CHRNA1: variants seen among roughly 807,000 people sequenced by gnomAD.
The protein encoded by CHRNA1 is acetylcholine receptor subunit alpha.
CHRNA1 carries 35 observed loss-of-function variants against 47.1 expected under a neutral mutation model. That is an observed-to-expected ratio of 0.74 (90% CI 0.57 to 0.99). The LOEUF (loss-of-function observed/expected upper bound fraction) is 0.99. CHRNA1 is among the 50% of genes least tolerant of loss of function. The pLI, the probability that CHRNA1 is intolerant of heterozygous loss-of-function variation, is 0.00. For missense variants in CHRNA1, 506 were observed against 591.1 expected (o/e 0.86, Z 1.49); for synonymous variants, 229 against 223.6 (o/e 1.02, Z -0.22).
chr2:174,759,633 G>A lies in CHRNA1; in HGVS notation c.44C>T (p.Ala15Val). The A allele has an allele frequency of 4.3e-6, 7 of 1,613,008 alleles. No individual in the cohort carries two copies. Among genetic ancestry groups the A allele is most frequent in the Non-Finnish European group, 5.1e-6 (6 of 1,179,944 alleles). The change falls in exon 2 of 9, where the codon GCT (alanine) becomes GTT (valine). Residue 15 changes from alanine to valine, a missense_variant and splice_region_variant. Ala to Val is a moderately conservative substitution (Grantham distance 64, BLOSUM62 0). Transcript: ENST00000348749. ...PLLLLFSLCS[A>V]GLVLGSEHET... ...ATGTTCGGAGCCCAGGACGAGGCCA[G>A]CTGAGACAGCAGATGACACCAACAC...
intron 6 of CHRNA1, 118 bp from the exon 7 acceptor site, chr2:174,750,287 G>A (rs1293711541): frequency 1.3e-6 from 1 of 771,854 alleles, no homozygotes; most frequent in Non-Finnish European, 2.2e-6. Context: ...ACCTAAGAAT[G>A]TGACTGTATT....
intron 6 of CHRNA1, chr2:174,753,263 A>T (rs1429205570): frequency 7.6e-6 from 5 of 660,942 alleles, no homozygotes; most frequent in East Asian, 5.3e-5. Context: ...CCTAAGCTAC[A>T]CTGTGCATCT....
chr2:174,762,123 A>C (rs540123546), intron 1 of CHRNA1, among the ~76,000 whole-genome samples: 5 of 152,192 alleles, frequency 3.3e-5, no homozygotes, highest in African/African-American at 4.8e-5. Context: ...CCTAGCCAAT[A>C]ACAAGGTGCC....
chr2:174,750,640 C>T (rs1427507743), intron 6 of CHRNA1, among the ~76,000 whole-genome samples: 4 of 152,174 alleles, frequency 2.6e-5, no homozygotes, highest in African/African-American at 4.8e-5. Flanking sequence ...CTGACATGTT[C>T]TCAAAGCATT....
intron 6 of CHRNA1, chr2:174,753,265 T>C (rs1345041713): frequency 1.4e-5 from 9 of 663,182 alleles, no homozygotes; most frequent in Non-Finnish European, 2.2e-5. Context: ...TAAGCTACAC[T>C]GTGCATCTCT....
chr2:174,763,654 G>T (rs1395319246), intron 1 of CHRNA1, among the ~76,000 whole-genome samples: 5 of 152,062 alleles, frequency 3.3e-5, no homozygotes, highest in Admixed American at 2.6e-4. Context: ...TTCAGCTGCT[G>T]TGTTAGGACA....
chr2:174,749,136 A>C (rs767190516), intron 7 of CHRNA1, among the ~76,000 whole-genome samples: 6 of 152,342 alleles, frequency 3.9e-5, no homozygotes, highest in Non-Finnish European at 5.9e-5. Context: ...CAGGTATGGA[A>C]AATGCCTTAG....
At chr2:174,751,443 A>C (rs150276283) in intron 6 of CHRNA1, among the ~76,000 whole-genome samples, 1 of 152,320 alleles carries the variant, frequency 6.6e-6, no homozygotes, top group Non-Finnish European at 1.5e-5. Context: ...ATATATATAG[A>C]ATATGTATGT....
At chr2:174,757,897 ACTCATTTAGTC>A in intron 3 of CHRNA1, 1 of 1,102,752 alleles carries the variant, frequency 9.1e-7, no homozygotes, top group Non-Finnish European at 1.4e-6. Context: ...ACCTATATTA[ACTCATTTAGTC>A]CTCACAACAA....
rs905862822 is a variant in CHRNA1, at chr2:174,748,569, A to T, written c.1242+11T>A. The T allele has an allele frequency of 2.5e-6, 4 of 1,609,280 alleles. No individual in the cohort carries two copies. Among genetic ancestry groups the T allele is most frequent in the Non-Finnish European group, 3.4e-6 (4 of 1,176,302 alleles). Reference sequence around the variant, plus strand: ...AACCCAGAGGCATGAATTTCAAGCCACGAAGCTTACATTGTTAGACTCCTG... The same window carrying T: ...AACCCAGAGGCATGAATTTCAAGCCTCGAAGCTTACATTGTTAGACTCCTG... On this transcript the variant is annotated intron_variant, in intron 8 of 8. Transcript: ENST00000348749.
At chr2:174,760,272 G>A (rs534246312) in intron 1 of CHRNA1, among the ~76,000 whole-genome samples, 1 of 152,298 alleles carries the variant, frequency 6.6e-6, no homozygotes, top group Admixed American at 6.5e-5. Context: ...ATTTACCATA[G>A]CCAAAGGGTG....
At position 174,749,991 on chromosome 2, in the gene CHRNA1, G is replaced by A; in HGVS notation, c.957C>T (p.His319=). ...TGACATGGGTGCTGGGTGAGCGGTG[G>A]TGTGTGTTGATGACGATGACAGTGA... is the stretch of plus-strand genomic sequence containing the variant. ...IIITVIVINT[H]HRSPSTHVMP... is the part of the protein sequence containing the mutation. Residue 319 remains histidine, a synonymous_variant, in exon 7 of 9, where the codon CAC becomes CAT. Transcript: ENST00000348749. The A allele has an allele frequency of 6.2e-7, 1 of 1,614,128 alleles. No homozygotes were observed. The highest frequency in any genetic ancestry group is 8.5e-7 in the Non-Finnish European group (1 of 1,180,028).
chr2:174,751,392 A>G (rs1444313399), intron 6 of CHRNA1, among the ~76,000 whole-genome samples: 1 of 152,154 alleles, frequency 6.6e-6, no homozygotes, highest in East Asian at 1.9e-4. Context: ...CCTGCTTTCA[A>G]TGATGAAGCT....
chr2:174,753,606 G>A lies in CHRNA1; in HGVS notation c.675C>T (p.Phe225=), dbSNP rs531534298. 26 of 1,614,162 alleles carry A rather than the reference G, an allele frequency of 1.6e-5. No homozygotes were observed. The highest frequency in any genetic ancestry group is 1.5e-4 in the Admixed American group (9 of 60,018). ...DTPYLDITYH[F]VMQRLPLYFI... ...AGTAGAGGGGCAGGCGCTGCATGAC[G>A]AAGTGGTAGGTGATGTCCAGGTAGG... Residue 225 remains phenylalanine (F), a synonymous_variant, in exon 6 of 9, where the codon TTC becomes TTT. Transcript: ENST00000348749.
At chr2:174,759,935 C>A (rs1044297411) in intron 1 of CHRNA1, among the ~76,000 whole-genome samples, 13 of 147,156 alleles carry the variant, frequency 8.8e-5, no homozygotes, top group Non-Finnish European at 1.7e-4. Flanking sequence ...CAGGTACACA[C>A]ACACACACAC....
rs370345788 is a variant in CHRNA1, at chr2:174,750,088, G to C, written c.860C>G (p.Thr287Arg). ...TCCAATCAAGGGCACAGCACTGGAC[G>C]TGGAGGGGATCAGCTCCACGATGAC... ...LLVIVELIPSTSSAVPLIGKY... is the reference protein window; with the variant it reads ...LLVIVELIPSRSSAVPLIGKY... Residue 287 changes from threonine (T) to arginine (R), a missense_variant, in exon 7 of 9, where the codon ACG becomes AGG. Transcript: ENST00000348749. The C allele has an allele frequency of 6.2e-7, 1 of 1,613,914 alleles. No homozygotes were observed. The highest frequency in any genetic ancestry group is 8.5e-7 in the Non-Finnish European group (1 of 1,180,010).
At chr2:174,750,218 G>A in intron 6 of CHRNA1, 49 bp from the exon 7 acceptor site, 1 of 1,481,494 alleles carries the variant, frequency 6.7e-7, no homozygotes. Context: ...ACCCATCTGG[G>A]TTGGGCTGCA....
intron 6 of CHRNA1, among the ~76,000 whole-genome samples, chr2:174,752,343 G>A (rs1242297702): frequency 1.3e-5 from 2 of 148,572 alleles, no homozygotes; most frequent in Non-Finnish European, 1.5e-5. Flanking sequence ...GGCCGAGGTA[G>A]GCAGATCTTT....
At position 174,757,654 on chromosome 2, in the gene CHRNA1, T is replaced by G. The variant is rs775936777; in HGVS notation, c.256A>C (p.Lys86Gln). The part of the protein sequence containing the change: ...LKQQWVDYNL[K>Q]WNPDDYGGVK... ...CCGCCATAGTCATCTGGATTCCATT[T>G]TAGGTTGTAATCCACCCATTGCTAG... Residue 86 changes from lysine (K) to glutamine (Q), a missense_variant, in exon 4 of 9, where the codon AAA (lysine) becomes CAA (glutamine). Physicochemically the swap from Lys to Gln is moderately conservative, Grantham distance 53 (BLOSUM62 1). Transcript: ENST00000348749. 1 of 1,614,096 alleles carries G rather than the reference T, an allele frequency of 6.2e-7. No individual in the cohort carries two copies. Among genetic ancestry groups the G allele is most frequent in the Non-Finnish European group, 8.5e-7 (1 of 1,179,934 alleles).
Sources: gnomAD v4.1 joint callset for allele counts (sites outside exome capture counted in the v4.1 genomes callset) on GRCh38, gnomAD v4.1.1 for gene constraint, MANE v1.5 for transcripts, NCBI Gene and HGNC (gene_info 2026-07-23, HGNC 2026-07-21) for gene names.